The following JARID2 variants were observed in gnomAD, a reference collection of about 807,000 sequenced individuals.
JARID2 encodes the protein jumonji and AT-rich interaction domain containing 2, also known as protein Jumonji.
In JARID2, 21 loss-of-function variants were observed where a neutral mutation model predicts 125.6. The ratio of observed to expected loss-of-function variants is 0.17; its 90% CI spans 0.12 to 0.24. The LOEUF (loss-of-function observed/expected upper bound fraction) is 0.24. JARID2 is among the 10% of genes least tolerant of loss of function. JARID2 has a pLI of 1.00. For missense variants in JARID2, 1,303 were observed against 1,639.6 expected (o/e 0.79, Z 3.55); for synonymous variants, 736 against 661.6 (o/e 1.11, Z -1.73).
intron 1 of JARID2, among the ~76,000 whole-genome samples, chr6:15,340,833 C>T (rs984213709): frequency 2.6e-5 from 4 of 152,094 alleles, no homozygotes; most frequent in Admixed American, 6.5e-5. Context: ...CTCAGTTGGC[C>T]TTATGACCTA....
At chr6:15,280,754 G>A (rs1314348993) in intron 1 of JARID2, among the ~76,000 whole-genome samples, 3 of 150,978 alleles carry the variant, frequency 2.0e-5, no homozygotes, top group Non-Finnish European at 4.4e-5. Context: ...TCAACCTCCC[G>A]AATAGCTGGG....
intron 2 of JARID2, among the ~76,000 whole-genome samples, chr6:15,390,492 G>A (rs891577752): frequency 6.6e-6 from 1 of 152,186 alleles, no homozygotes; most frequent in Non-Finnish European, 1.5e-5. Flanking sequence ...AAGGGAATAG[G>A]TTAAGATTGC....
At chr6:15,422,755 TTG>T (rs1163302060) in intron 3 of JARID2, among the ~76,000 whole-genome samples, 1 of 152,174 alleles carries the variant, frequency 6.6e-6, no homozygotes, top group Non-Finnish European at 1.5e-5. Flanking sequence ...CTGACTGGTT[TTG>T]TGTGGGCTTC....
At chr6:15,380,287 G>A (rs764763994) in intron 2 of JARID2, among the ~76,000 whole-genome samples, 3 of 152,030 alleles carry the variant, frequency 2.0e-5, no homozygotes, top group Admixed American at 6.6e-5. Flanking sequence ...TGCCCACGTC[G>A]GCTTCCCCAA....
At chr6:15,259,069 G>A (rs116421029) in intron 1 of JARID2, among the ~76,000 whole-genome samples, 2,493 of 152,274 alleles carry the variant, frequency 0.016, 24 homozygotes, top group Non-Finnish European at 0.029. Context: ...TTTTTGGATG[G>A]ATGGGATTTT....
At chr6:15,419,942 G>A (rs545569105) in intron 3 of JARID2, among the ~76,000 whole-genome samples, 1 of 152,148 alleles carries the variant, frequency 6.6e-6, no homozygotes, top group Admixed American at 6.5e-5. Flanking sequence ...AAATATTTTC[G>A]TGTGCATTCG....
chr6:15,512,182 G>T (rs1771312598), intron 13 of JARID2, 26 bp from the exon 14 acceptor site: 2 of 1,605,802 alleles, frequency 1.2e-6, no homozygotes, highest in African/African-American at 2.7e-5. Flanking sequence ...AGGGAGGGGT[G>T]CCTCAGCCTG....
Position 15,447,661 on chromosome 6 carries a change from T to C in JARID2, c.324-4345T>C, listed in dbSNP as rs143173484. On this transcript the variant is annotated intron_variant, in intron 3 of 17. Transcript: ENST00000341776. Reference sequence around the variant, plus strand: ...TTTCATTTTTGCTGTAATAATGGAATGGCAGGTAGTATTCTGTTGAAAATG... The same window carrying C: ...TTTCATTTTTGCTGTAATAATGGAACGGCAGGTAGTATTCTGTTGAAAATG... 6.4e-3 allele frequency among the ~76,000 whole-genome samples: 979 copies of C among 152,374 alleles called. 8 individuals carry two copies. The highest frequency in any genetic ancestry group is 0.022 in the African/African-American group (899 of 41,600).
rs1269018625 is a variant in JARID2, at chr6:15,496,387, A to C, written c.1162A>C (p.Lys388Gln). 1 of 1,614,088 alleles carries C rather than the reference A, an allele frequency of 6.2e-7. No individual in the cohort carries two copies. The change falls in exon 7 of 18, where the codon AAA becomes CAA. Residue 388 changes from lysine (K) to glutamine (Q), a missense_variant. Coordinates refer to ENST00000341776, the MANE Select transcript of JARID2 (RefSeq NM_004973.4). ...TGAAAGTAGCAATGCAAAAACCCGC[A>C]AACAGGTGCTATCCCTCGGGGGGGC... ...KTESSNAKTR[K>Q]QVLSLGGASK...
chr6:15,502,001 A>G (rs1240002698), intron 8 of JARID2, among the ~76,000 whole-genome samples: 3 of 151,760 alleles, frequency 2.0e-5, no homozygotes, highest in Non-Finnish European at 4.4e-5. Context: ...CGCTCACCTC[A>G]CTGCCAGCCC....
At chr6:15,333,027 G>A (rs1762768606) in intron 1 of JARID2, among the ~76,000 whole-genome samples, 1 of 144,798 alleles carries the variant, frequency 6.9e-6, no homozygotes, top group Non-Finnish European at 1.5e-5. Flanking sequence ...CGCCTCCCGG[G>A]TTCACGCCAT....
chr6:15,475,585 G>C (rs895495170), intron 5 of JARID2, among the ~76,000 whole-genome samples: 6 of 152,230 alleles, frequency 3.9e-5, no homozygotes, highest in African/African-American at 1.4e-4. Context: ...GAGCCAGGCC[G>C]TGCTGCACCT....
At chr6:15,325,871 G>A (rs962404202) in intron 1 of JARID2, among the ~76,000 whole-genome samples, 2 of 152,190 alleles carry the variant, frequency 1.3e-5, no homozygotes, top group South Asian at 4.1e-4. Context: ...TATGAGAACT[G>A]TGTTGACTCC....
chr6:15,376,086 CTGAGGAGAAAA>C (rs1466673135), intron 2 of JARID2, among the ~76,000 whole-genome samples: 2 of 152,184 alleles, frequency 1.3e-5, no homozygotes, highest in African/African-American at 4.8e-5. Flanking sequence ...ATTGATGATA[CTGAGGAGAAAA>C]ATCTCAGTTG....
At position 15,512,776 on chromosome 6, in the gene JARID2, A is replaced by C. The variant is rs911527019; in HGVS notation, c.3136-139A>C. ...TGGTGCCTTTCTCACAGGGAGGCAAAGTTTTGAAGAGTTTTTAATCTAAAT... is the reference window on the plus strand; with the variant it reads ...TGGTGCCTTTCTCACAGGGAGGCAACGTTTTGAAGAGTTTTTAATCTAAAT... On this transcript the variant is annotated intron_variant, in intron 14 of 17. Coordinates refer to ENST00000341776, the MANE Select transcript of JARID2 (RefSeq NM_004973.4). 4.4e-6 allele frequency: 4 copies of C among 905,956 alleles called. No homozygotes were observed. In the African/African-American group the frequency reaches 6.7e-5, roughly 15 times the overall value. 56.1% of individuals were successfully genotyped at this position (905,956 alleles called of 1,614,324 possible).
intron 3 of JARID2, among the ~76,000 whole-genome samples, chr6:15,443,666 T>C (rs1241505637): frequency 1.3e-5 from 2 of 152,152 alleles, no homozygotes; most frequent in Non-Finnish European, 2.9e-5. Flanking sequence ...AAATGATAGA[T>C]CCAAAAGATT....
chr6:15,247,461 G>T (rs1759223487), intron 1 of JARID2: 2 of 983,338 alleles, frequency 2.0e-6, no homozygotes, highest in Admixed American at 6.2e-5. Flanking sequence ...GGGAGGAAAG[G>T]GGGACCGAGG....
At chr6:15,445,758 C>G (rs1218081785) in intron 3 of JARID2, among the ~76,000 whole-genome samples, 2 of 152,226 alleles carry the variant, frequency 1.3e-5, no homozygotes, top group African/African-American at 4.8e-5. Context: ...CACAGGGTGA[C>G]TGTCAGCCGG....
At chr6:15,499,218 T>C (rs1581649611) in intron 7 of JARID2, among the ~76,000 whole-genome samples, 1 of 152,160 alleles carries the variant, frequency 6.6e-6, no homozygotes, top group African/African-American at 2.4e-5. Context: ...AGAAACTTAA[T>C]AACTTTGAAG....
Sources: gnomAD v4.1 joint callset for allele counts (sites outside exome capture counted in the v4.1 genomes callset) on GRCh38, gnomAD v4.1.1 for gene constraint, MANE v1.5 for transcripts, NCBI Gene and HGNC (gene_info 2026-07-23, HGNC 2026-07-21) for gene names.